The following PDE4D variants were observed in gnomAD, a reference collection of about 807,000 sequenced individuals.
PDE4D encodes 3',5'-cyclic-AMP phosphodiesterase 4D.
In PDE4D, 24 loss-of-function variants were observed where a neutral mutation model predicts 87.4. The ratio of observed to expected loss-of-function variants is 0.27; its 90% confidence interval spans 0.20 to 0.39. The LOEUF (loss-of-function observed/expected upper bound fraction) is 0.39. PDE4D is among the 10% of genes least tolerant of loss of function. PDE4D has a pLI of 1.00. For synonymous variants in PDE4D, 384 were observed against 383.2 expected, an observed-to-expected ratio of 1.00 and a Z score of -0.02; for missense variants, 714 against 1,041.0, an observed-to-expected ratio of 0.69 and a Z score of 4.32.
chr5:60,491,817 A>C (rs1029126129), upstream of PDE4D, among the ~76,000 whole-genome samples: 4 of 152,138 alleles, frequency 2.6e-5, no homozygotes, highest in Non-Finnish European at 4.4e-5. Flanking sequence ...CTGACTCTTA[A>C]TTGTTAGACC....
intron 1 of PDE4D, among the ~76,000 whole-genome samples, chr5:59,381,372 C>T (rs536712654): frequency 3.9e-5 from 6 of 152,184 alleles, no homozygotes; most frequent in African/African-American, 1.2e-4. Flanking sequence ...GAACTTCTTC[C>T]TCCTTTGCTA....
At chr5:59,953,609 A>G (rs1758523741) in intron 3 of PDE4D, among the ~76,000 whole-genome samples, 3 of 152,200 alleles carry the variant, frequency 2.0e-5, no homozygotes, top group South Asian at 4.1e-4. Context: ...ACAGTTCTCA[A>G]TCTACTCTTG....
At chr5:60,171,442 A>C (rs1783421325) in intron 2 of PDE4D, among the ~76,000 whole-genome samples, 1 of 152,112 alleles carries the variant, frequency 6.6e-6, no homozygotes, top group Non-Finnish European at 1.5e-5. Flanking sequence ...TGGTCATAGA[A>C]ACAATGAAAG....
At chr5:59,800,153 G>A (rs1766947921) in intron 1 of PDE4D, among the ~76,000 whole-genome samples, 1 of 152,112 alleles carries the variant, frequency 6.6e-6, no homozygotes, top group South Asian at 2.1e-4. Flanking sequence ...TTTTTATCGT[G>A]TGCCTCAGCC....
chr5:59,334,712 G>A (rs564309962), intron 1 of PDE4D, among the ~76,000 whole-genome samples: 83 of 151,986 alleles, frequency 5.5e-4, no homozygotes, highest in South Asian at 2.1e-3. Flanking sequence ...GGTTTGTAGA[G>A]AAAGCAAAAC....
chr5:60,413,204 T>C (rs549709942), intron 1 of PDE4D, among the ~76,000 whole-genome samples: 1 of 152,350 alleles, frequency 6.6e-6, no homozygotes, highest in South Asian at 2.1e-4. Flanking sequence ...TACTGTAGCT[T>C]ACTTTCATTA....
chr5:59,642,807 AT>A (rs1269964667), intron 1 of PDE4D, among the ~76,000 whole-genome samples: 2 of 130,590 alleles, frequency 1.5e-5, no homozygotes, highest in East Asian at 4.3e-4. Context: ...GAGAAGTCTT[AT>A]AAAAAATTTG....
chr5:60,031,467 A>T lies in PDE4D; in HGVS notation c.43-42750T>A, dbSNP rs1767237557. Among the ~76,000 whole-genome samples, 3 of 152,228 alleles carry T rather than the reference A, an allele frequency of 2.0e-5. No individual in the cohort carries two copies. The South Asian group carries it at 6.2e-4, about 32-fold the overall frequency. ...AAATTGGTGAATCCTAAATACAAGCATGCAGGCTGCTGCAGAAATTGGGAA... is the reference window on the plus strand; with the variant it reads ...AAATTGGTGAATCCTAAATACAAGCTTGCAGGCTGCTGCAGAAATTGGGAA... On this transcript the variant is annotated intron_variant, in intron 2 of 16. Coordinates refer to the PDE4D transcript ENST00000502484.
At chr5:60,408,915 C>A (rs968095832) in intron 1 of PDE4D, among the ~76,000 whole-genome samples, 1 of 152,152 alleles carries the variant, frequency 6.6e-6, no homozygotes, top group Non-Finnish European at 1.5e-5. Flanking sequence ...CATAATGATT[C>A]TTTTTATCTG....
intron 1 of PDE4D, among the ~76,000 whole-genome samples, chr5:59,390,975 A>C (rs1003412088): frequency 6.6e-6 from 1 of 152,082 alleles, no homozygotes; most frequent in African/African-American, 2.4e-5. Context: ...CTCTTATTAG[A>C]GTGTTAGAAT....
chr5:60,151,118 C>G (rs894531588), intron 2 of PDE4D, among the ~76,000 whole-genome samples: 1 of 152,160 alleles, frequency 6.6e-6, no homozygotes, highest in African/African-American at 2.4e-5. Context: ...TCCCTCTAAT[C>G]AAGTACAAAG....
At chr5:59,800,694 G>T (rs1047328521) in intron 1 of PDE4D, among the ~76,000 whole-genome samples, 2 of 151,106 alleles carry the variant, frequency 1.3e-5, no homozygotes, top group South Asian at 4.2e-4. Context: ...TGGAGGAGTA[G>T]AAAGAGTGAG....
At chr5:59,068,213 T>A (rs1764217661) in intron 5 of PDE4D, among the ~76,000 whole-genome samples, 1 of 152,186 alleles carries the variant, frequency 6.6e-6, no homozygotes, top group South Asian at 2.1e-4. Context: ...CCACAAGCAT[T>A]CCCAGAGGAT....
intron 1 of PDE4D, among the ~76,000 whole-genome samples, chr5:59,777,246 T>C (rs932641588): frequency 6.6e-6 from 1 of 152,178 alleles, no homozygotes; most frequent in East Asian, 1.9e-4. Flanking sequence ...ATTGTTATGG[T>C]CCTGCTCTCA....
intron 1 of PDE4D, among the ~76,000 whole-genome samples, chr5:60,329,607 T>C (rs1757138839): frequency 6.6e-6 from 1 of 152,204 alleles, no homozygotes; most frequent in Admixed American, 6.5e-5. Context: ...TCTGCTACAA[T>C]AGATTCTATT....
intron 1 of PDE4D, among the ~76,000 whole-genome samples, chr5:59,483,531 T>C (rs553487194): frequency 6.6e-6 from 1 of 152,210 alleles, no homozygotes; most frequent in South Asian, 2.1e-4. Context: ...CAATTTTATT[T>C]TTTAGGGGTG....
At chr5:59,815,360 G>T (rs1408589076) in intron 1 of PDE4D, among the ~76,000 whole-genome samples, 3 of 152,218 alleles carry the variant, frequency 2.0e-5, no homozygotes, top group Non-Finnish European at 4.4e-5. Context: ...GTGAAGTTAT[G>T]CTCAGGGCAG....
At chr5:59,145,132 AATT>A (rs1275962810) in intron 5 of PDE4D, among the ~76,000 whole-genome samples, 3 of 152,178 alleles carry the variant, frequency 2.0e-5, no homozygotes, top group African/African-American at 7.2e-5. Context: ...AGCACTCAAT[AATT>A]TAGCTTTTGG....
At chr5:59,993,943 A>C (rs1763269298) in intron 2 of PDE4D, among the ~76,000 whole-genome samples, 3 of 152,090 alleles carry the variant, frequency 2.0e-5, no homozygotes, top group Non-Finnish European at 4.4e-5. Context: ...AATAACTTTA[A>C]TGTTATGCTT....
Sources: gnomAD v4.1 joint callset for allele counts (sites outside exome capture counted in the v4.1 genomes callset) on GRCh38, gnomAD v4.1.1 for gene constraint, MANE v1.5 for transcripts, NCBI Gene and HGNC (gene_info 2026-07-23, HGNC 2026-07-21) for gene names.